MYO16: variants seen among roughly 807,000 people sequenced by gnomAD.
MYO16 encodes the protein myosin XVI.
In MYO16, 94 loss-of-function variants were observed where a neutral mutation model predicts 205.3. That is an observed-to-expected ratio of 0.46 (90% CI 0.39 to 0.54). The LOEUF (loss-of-function observed/expected upper bound fraction) is 0.54. MYO16 is among the 20% of genes least tolerant of loss of function. The pLI, the probability that MYO16 is intolerant of heterozygous loss-of-function variation, is 0.00. For missense variants in MYO16, 2,315 were observed against 2,387.5 expected (o/e 0.97, Z 0.63); for synonymous variants, 988 against 954.0 (o/e 1.04, Z -0.66).
At chr13:109,102,604 ATAAT>A (rs1426053141) in intron 28 of MYO16, among the ~76,000 whole-genome samples, 1 of 152,096 alleles carries the variant, frequency 6.6e-6, no homozygotes, top group East Asian at 1.9e-4. Context: ...GGAATCTGTA[ATAAT>A]TATTTCACTA....
At chr13:109,025,599 G>A (rs1331698621) in intron 23 of MYO16, among the ~76,000 whole-genome samples, 1 of 152,060 alleles carries the variant, frequency 6.6e-6, no homozygotes, top group African/African-American at 2.4e-5. Flanking sequence ...ATCACTTATA[G>A]GGGCTTCTCT....
chr13:109,186,079 T>C (rs866070822), intron 34 of MYO16, among the ~76,000 whole-genome samples: 1 of 152,132 alleles, frequency 6.6e-6, no homozygotes. Flanking sequence ...GGCAAGAGGA[T>C]CACTTGAGCT....
chr13:108,510,464 T>TTTTG, the MYO16 span, among the ~76,000 whole-genome samples: 21,433 of 54,118 alleles, frequency 0.4, 3,169 homozygotes, highest in East Asian at 0.57. Context: ...GATAGCTGTT[T>TTTTG]TTTTTTTTTT....
intron 1 of MYO16, among the ~76,000 whole-genome samples, chr13:108,620,433 G>A (rs1306529288): frequency 1.3e-5 from 2 of 152,106 alleles, no homozygotes; most frequent in African/African-American, 2.4e-5. Context: ...GGGATGAACC[G>A]TACTAAGAGC....
At chr13:108,679,981 A>G (rs1161781288) in intron 2 of MYO16, among the ~76,000 whole-genome samples, 1 of 152,044 alleles carries the variant, frequency 6.6e-6, no homozygotes, top group Non-Finnish European at 1.5e-5. Context: ...TTCTAGTCCC[A>G]ATACTTGCAG....
At chr13:108,634,580 C>CCT (rs1880140748) in intron 1 of MYO16, among the ~76,000 whole-genome samples, 2 of 152,196 alleles carry the variant, frequency 1.3e-5, no homozygotes. Flanking sequence ...TCGACCCTCA[C>CCT]CTCCTTGTCT....
intron 1 of MYO16, among the ~76,000 whole-genome samples, chr13:108,645,150 T>C (rs1246083098): frequency 3.3e-5 from 5 of 152,260 alleles, no homozygotes; most frequent in Non-Finnish European, 7.4e-5. Flanking sequence ...AGATCTAAGC[T>C]AGGTCTGGAA....
intron 4 of MYO16, among the ~76,000 whole-genome samples, chr13:108,785,307 C>T (rs918461371): frequency 6.6e-6 from 1 of 152,090 alleles, no homozygotes; most frequent in African/African-American, 2.4e-5. Flanking sequence ...ATATTAGAAA[C>T]AAGACAGGAT....
intron 2 of MYO16, among the ~76,000 whole-genome samples, chr13:108,672,521 C>T (rs1286137216): frequency 1.3e-5 from 2 of 151,514 alleles, no homozygotes; most frequent in Non-Finnish European, 2.9e-5. Flanking sequence ...AAAAGTAATT[C>T]AGGATTTTTT....
rs570784307 is a variant in MYO16, at chr13:109,082,970, T to C, written c.3336-17815T>C. On this transcript the variant is annotated intron_variant, in intron 27 of 34. Coordinates refer to ENST00000457511, the MANE Select transcript of MYO16 (RefSeq NM_001198950.3). ...TATAAGACAATTCTGGCAGAAGATA[T>C]ATATTTGAATATCACCAGAATATGG... Among the ~76,000 whole-genome samples, 193 of 152,270 alleles carry C rather than the reference T, an allele frequency of 1.3e-3. 2 individuals carry two copies. Among genetic ancestry groups the C allele is most frequent in the Non-Finnish European group, 8.5e-4 (58 of 68,028 alleles).
intron 21 of MYO16, among the ~76,000 whole-genome samples, chr13:108,993,581 A>G (rs917225476): frequency 6.6e-6 from 1 of 152,154 alleles, no homozygotes; most frequent in Non-Finnish European, 1.5e-5. Context: ...CGTTCCTTAC[A>G]AAACTTCACA....
chr13:108,885,946 T>G (rs1263119792), intron 13 of MYO16, among the ~76,000 whole-genome samples: 1 of 152,092 alleles, frequency 6.6e-6, no homozygotes, highest in Non-Finnish European at 1.5e-5. Context: ...ATGGAACTTT[T>G]TATCCAGTAT....
the MYO16 span, among the ~76,000 whole-genome samples, chr13:108,536,138 G>A: frequency 6.6e-6 from 1 of 152,144 alleles, no homozygotes; most frequent in Non-Finnish European, 1.5e-5. Flanking sequence ...AATATATAGT[G>A]TAGGCTAAGT....
intron 16 of MYO16, among the ~76,000 whole-genome samples, chr13:108,919,508 A>G: frequency 6.6e-6 from 1 of 152,364 alleles, no homozygotes; most frequent in South Asian, 2.1e-4. Flanking sequence ...GTTCTTTGAC[A>G]TCTTCTCCTT....
intron 20 of MYO16, among the ~76,000 whole-genome samples, chr13:108,973,962 T>C (rs149659132): frequency 3.3e-4 from 50 of 151,820 alleles, no homozygotes; most frequent in Middle Eastern, 6.8e-3. Context: ...AAACTCCCAG[T>C]GGCATTTTGG....
chr13:108,619,420 C>T (rs1482622792), intron 1 of MYO16, among the ~76,000 whole-genome samples: 3 of 152,130 alleles, frequency 2.0e-5, no homozygotes, highest in Admixed American at 2.0e-4. Context: ...ATCTTACTTC[C>T]GATCTGTATC....
At chr13:108,562,772 G>C in the MYO16 span, among the ~76,000 whole-genome samples, 1 of 152,166 alleles carries the variant, frequency 6.6e-6, no homozygotes, top group Non-Finnish European at 1.5e-5. Flanking sequence ...TATAGTGCAT[G>C]TTGCACAGGT....
At chr13:108,986,010 C>A (rs933802923) in intron 20 of MYO16, among the ~76,000 whole-genome samples, 6 of 152,212 alleles carry the variant, frequency 3.9e-5, no homozygotes, top group Admixed American at 6.5e-5. Context: ...ACAATCATGG[C>A]AGAAGGCGAA....
the MYO16 span, among the ~76,000 whole-genome samples, chr13:108,498,284 C>T: frequency 6.6e-6 from 1 of 152,000 alleles, no homozygotes; most frequent in Non-Finnish European, 1.5e-5. Context: ...TGCTCTACCC[C>T]AAGTGAAGGC....
Sources: allele counts gnomAD v4.1 joint callset (sites outside exome capture counted in the v4.1 genomes callset), GRCh38; gene constraint gnomAD v4.1.1; transcripts MANE v1.5; gene names NCBI Gene and HGNC (gene_info 2026-07-23, HGNC 2026-07-21).